RBFOX1: variants seen among roughly 807,000 people sequenced by gnomAD.
RBFOX1 encodes the protein RNA binding fox-1 homolog 1, also known as RNA binding protein fox-1 homolog 1.
A neutral mutation model predicts 57.7 loss-of-function variants in RBFOX1; 8 were observed. The ratio of observed to expected loss-of-function variants is 0.14; its 90% CI spans 0.08 to 0.25. The LOEUF is 0.25. Ranked by LOEUF, RBFOX1 falls within the 10% of genes least tolerant of loss-of-function variation. The probability of loss-of-function intolerance (pLI) is 1.00; values close to 1 mark genes in which losing one functional copy is unlikely to be tolerated. For missense variants in RBFOX1, 611 were observed against 548.5 expected, an observed-to-expected ratio of 1.11 and a Z score of -1.14; for synonymous variants, 326 against 222.4, an observed-to-expected ratio of 1.47 and a Z score of -4.15.
At chr16:7,201,389 C>G (rs1273338081) in intron 4 of RBFOX1, among the ~76,000 whole-genome samples, 1 of 151,542 alleles carries the variant, frequency 6.6e-6, no homozygotes. Context: ...AGTGGGGATT[C>G]TATTCTGGCT....
chr16:6,966,763 CTA>C (rs2084274493), intron 3 of RBFOX1, among the ~76,000 whole-genome samples: 58 of 21,710 alleles, frequency 2.7e-3, no homozygotes, highest in African/African-American at 7.2e-3. Flanking sequence ...GTCTGTCTGT[CTA>C]TCTATCTATC....
intron 3 of RBFOX1, among the ~76,000 whole-genome samples, chr16:5,635,548 C>T (rs367780106): frequency 1.3e-5 from 2 of 152,178 alleles, no homozygotes; most frequent in African/African-American, 2.4e-5. Flanking sequence ...AATATGTATC[C>T]CATACAGATT....
chr16:7,204,735 T>C (rs570065757), intron 4 of RBFOX1, among the ~76,000 whole-genome samples: 33 of 152,290 alleles, frequency 2.2e-4, no homozygotes, highest in Middle Eastern at 3.4e-3. Flanking sequence ...GAGCGAGGCT[T>C]CCTTCATCTC....
At chr16:5,850,791 G>A (rs2056876027) in intron 3 of RBFOX1, among the ~76,000 whole-genome samples, 1 of 152,174 alleles carries the variant, frequency 6.6e-6, no homozygotes, top group African/African-American at 2.4e-5. Flanking sequence ...TCCTTCACTT[G>A]CCATCTCGAA....
intron 1 of RBFOX1, among the ~76,000 whole-genome samples, chr16:6,083,059 T>C (rs2096030043): frequency 6.6e-6 from 1 of 152,030 alleles, no homozygotes; most frequent in Admixed American, 6.6e-5. Flanking sequence ...TGGAGTGCAG[T>C]GGCATGATCT....
At chr16:6,113,380 T>C (rs2096465801) in intron 1 of RBFOX1, among the ~76,000 whole-genome samples, 1 of 152,180 alleles carries the variant, frequency 6.6e-6, no homozygotes, top group South Asian at 2.1e-4. Context: ...ATGATACTGA[T>C]GTGTTTTTTA....
Position 6,893,504 on chromosome 16 carries a change from C to G in RBFOX1, c.-15-158553C>G, listed in dbSNP as rs566541520. ...AGAGGTCCCTTGTCAGTATCAACAG[C>G]TGGGGCTCTATGCTGAGCTCAGAAA... On this transcript the variant is annotated intron_variant, in intron 3 of 15. Coordinates refer to ENST00000550418, the MANE Select transcript of RBFOX1 (RefSeq NM_018723.4). Among the ~76,000 whole-genome samples the G allele has an allele frequency of 1.5e-3, 223 of 152,266 alleles. No homozygotes were observed. The Middle Eastern group carries it at 0.02, about 14-fold the overall frequency.
intron 3 of RBFOX1, among the ~76,000 whole-genome samples, chr16:6,891,102 T>C (rs189069229): frequency 1.3e-5 from 2 of 152,314 alleles, no homozygotes; most frequent in Middle Eastern, 3.4e-3. Flanking sequence ...TCTTCCAATA[T>C]CCATCCATTC....
intron 3 of RBFOX1, among the ~76,000 whole-genome samples, chr16:6,767,965 G>A (rs374997655): frequency 7.8e-6 from 1 of 127,744 alleles, no homozygotes; most frequent in South Asian, 2.4e-4. Flanking sequence ...AGAAGAAGAA[G>A]AAGAAGAAGA....
chr16:6,468,655 T>C (rs2095106362), intron 2 of RBFOX1, among the ~76,000 whole-genome samples: 1 of 152,236 alleles, frequency 6.6e-6, no homozygotes, highest in Non-Finnish European at 1.5e-5. Flanking sequence ...AAAACCATTT[T>C]ATTTGTGTGT....
intron 1 of RBFOX1, among the ~76,000 whole-genome samples, chr16:6,179,004 A>G (rs2097039088): frequency 6.6e-6 from 1 of 152,192 alleles, no homozygotes. Flanking sequence ...AAATATTTGT[A>G]TACCACTCAA....
At chr16:6,096,747 C>G (rs1001251317) in intron 1 of RBFOX1, among the ~76,000 whole-genome samples, 2 of 152,300 alleles carry the variant, frequency 1.3e-5, no homozygotes, top group Admixed American at 6.5e-5. Context: ...AGGATTAGAG[C>G]TATAAAAATA....
At chr16:7,635,715 C>G (rs2061646503) in intron 11 of RBFOX1, among the ~76,000 whole-genome samples, 1 of 152,188 alleles carries the variant, frequency 6.6e-6, no homozygotes, top group Non-Finnish European at 1.5e-5. Flanking sequence ...ATATTTTCAT[C>G]CAGTTTGTTT....
chr16:6,472,103 C>T (rs575472021), intron 2 of RBFOX1, among the ~76,000 whole-genome samples: 1 of 152,326 alleles, frequency 6.6e-6, no homozygotes, highest in East Asian at 1.9e-4. Flanking sequence ...GACAAATTTA[C>T]CTGATCTTCC....
intron 1 of RBFOX1, among the ~76,000 whole-genome samples, chr16:6,119,069 G>C (rs2096529054): frequency 6.7e-6 from 1 of 149,156 alleles, no homozygotes; most frequent in Non-Finnish European, 1.5e-5. Context: ...TGCTTGCCAT[G>C]GGATCTTGGG....
At chr16:5,801,228 T>A (rs1441886426) in intron 3 of RBFOX1, among the ~76,000 whole-genome samples, 1 of 152,164 alleles carries the variant, frequency 6.6e-6, no homozygotes, top group Non-Finnish European at 1.5e-5. Flanking sequence ...TAATTATAAA[T>A]GCAATTAAAA....
At chr16:7,367,418 T>A (rs2097476307) in intron 4 of RBFOX1, among the ~76,000 whole-genome samples, 1 of 152,238 alleles carries the variant, frequency 6.6e-6, no homozygotes, top group South Asian at 2.1e-4. Flanking sequence ...ATGGATTCCA[T>A]GACAAGTCCT....
intron 3 of RBFOX1, among the ~76,000 whole-genome samples, chr16:5,638,916 C>A (rs910047309): frequency 6.6e-6 from 1 of 152,152 alleles, no homozygotes; most frequent in African/African-American, 2.4e-5. Flanking sequence ...CCTGTGAAAC[C>A]CAACTCAAAT....
intron 1 of RBFOX1, among the ~76,000 whole-genome samples, chr16:5,428,953 G>A (rs1468104914): frequency 6.6e-6 from 1 of 152,094 alleles, no homozygotes; most frequent in African/African-American, 2.4e-5. Context: ...GATGTGAGCA[G>A]TGCAGGGGCT....
Sources: gnomAD v4.1 joint callset for allele counts (sites outside exome capture counted in the v4.1 genomes callset) on GRCh38, gnomAD v4.1.1 for gene constraint, MANE v1.5 for transcripts, NCBI Gene and HGNC (gene_info 2026-07-23, HGNC 2026-07-21) for gene names.